HFM1: variants seen among roughly 807,000 people sequenced by gnomAD.
The protein encoded by HFM1 is helicase for meiosis 1, also known as probable ATP-dependent DNA helicase HFM1.
Under a neutral mutation model 192.1 loss-of-function variants are expected in HFM1, and 169 were observed. The observed-to-expected ratio is 0.88, with a 90% CI of 0.78 to 1.00. The LOEUF is 1.00. Among genes scored for constraint, HFM1 ranks in the 50% least tolerant of loss-of-function variants. The pLI is 0.00. For synonymous variants in HFM1, 525 were observed against 537.8 expected (o/e 0.98, Z 0.33); for missense variants, 1,661 against 1,668.0 (o/e 1.00, Z 0.07).
chr1:91,276,759 T>G lies in HFM1; in HGVS notation c.3473-16A>C. ...CCAATTTTACCTATGAAAAGAAACT[T>G]CAGATTCTTTAGGTTAAACTTCAGA... On this transcript the variant is annotated splice_polypyrimidine_tract_variant and intron_variant, in intron 31 of 38. Transcript: ENST00000370425. The G allele has an allele frequency of 5.0e-6, 6 of 1,195,498 alleles. No homozygotes were observed. The highest frequency in any genetic ancestry group is 5.9e-6 in the Non-Finnish European group (5 of 850,788). The allele number at this position is 1,195,498 out of a possible 1,614,324, so 74.1% of individuals were successfully genotyped here. A position where few individuals can be genotyped will look rare whatever the true frequency, so the allele number is the denominator to read the frequency against.
intron 23 of HFM1, among the ~76,000 whole-genome samples, chr1:91,320,053 T>C (rs1651855286): frequency 1.3e-5 from 2 of 152,158 alleles, no homozygotes. Context: ...GTTTTGCCCA[T>C]AAACTTACCT....
At chr1:91,339,839 A>C (rs1241175744) in intron 20 of HFM1, among the ~76,000 whole-genome samples, 9 of 152,166 alleles carry the variant, frequency 5.9e-5, no homozygotes, top group Non-Finnish European at 1.3e-4. Context: ...CCATCCCCCA[A>C]GACACATAGT....
At chr1:91,298,486 CA>C (rs1471756447) in intron 30 of HFM1, among the ~76,000 whole-genome samples, 1 of 135,166 alleles carries the variant, frequency 7.4e-6, no homozygotes, top group Non-Finnish European at 1.6e-5. Context: ...ACAAAGTTGT[CA>C]AATTCACCAA....
At position 91,378,487 on chromosome 1, in the gene HFM1, AG is replaced by A. The variant is rs1181541907; in HGVS notation, c.1159-8del. On this transcript the variant is annotated splice_polypyrimidine_tract_variant and splice_region_variant and intron_variant, in intron 9 of 38. Coordinates refer to ENST00000370425, the MANE Select transcript of HFM1 (RefSeq NM_001017975.6). ...TCATGCTATCCCATTTTTCCTAGAGAGAAAAAAAAGCATACAAGTAGTTTAA... is the reference window on the plus strand; with the variant it reads ...TCATGCTATCCCATTTTTCCTAGAGAAAAAAAAAGCATACAAGTAGTTTAA... The A allele has an allele frequency of 2.6e-6, 4 of 1,553,700 alleles. No individual in the cohort carries two copies. Among genetic ancestry groups the A allele is most frequent in the Non-Finnish European group, 3.5e-6 (4 of 1,129,192 alleles).
intron 4 of HFM1, among the ~76,000 whole-genome samples, chr1:91,389,452 C>A (rs282019): frequency 1 from 152,076 of 152,256 alleles, 75,948 homozygotes; most frequent in Non-Finnish European, 1. Context: ...GGGCCTTTGG[C>A]AGGTAATTGG....
intron 16 of HFM1, 108 bp from the exon 17 acceptor site, chr1:91,351,751 A>C (rs1047186651): frequency 3.1e-5 from 15 of 482,506 alleles, no homozygotes; most frequent in African/African-American, 2.4e-4. Flanking sequence ...CCTTGTCTGA[A>C]ATAATACTTC....
At chr1:91,338,886 G>T in intron 20 of HFM1, 1 of 455,594 alleles carries the variant, frequency 2.2e-6, no homozygotes, top group South Asian at 1.5e-5. Flanking sequence ...TTCTGCCACT[G>T]CCCCATTTAA....
intron 2 of HFM1, among the ~76,000 whole-genome samples, chr1:91,398,689 C>CTT (rs796960469): frequency 2.1e-5 from 3 of 145,286 alleles, no homozygotes; most frequent in Non-Finnish European, 3.0e-5. Flanking sequence ...CTCTCCTCAT[C>CTT]TTTTTTTTTT....
intron 13 of HFM1, among the ~76,000 whole-genome samples, chr1:91,374,413 T>A (rs745677697): frequency 7.2e-5 from 11 of 151,836 alleles, no homozygotes; most frequent in Non-Finnish European, 1.5e-4. Context: ...GATAAGAGAG[T>A]GTGTGTGTAG....
chr1:91,321,355 A>G (rs960721747), intron 23 of HFM1, among the ~76,000 whole-genome samples: 5 of 152,150 alleles, frequency 3.3e-5, no homozygotes, highest in Non-Finnish European at 7.4e-5. Flanking sequence ...GAGGCAGGAG[A>G]ATCGCTTGAG....
intron 20 of HFM1, chr1:91,328,711 G>T: frequency 1.2e-6 from 2 of 1,605,530 alleles, no homozygotes; most frequent in South Asian, 2.2e-5. Context: ...CAGAGAAGCA[G>T]CTACAGCAGG....
At chr1:91,278,954 T>C (rs1469658715) in intron 30 of HFM1, among the ~76,000 whole-genome samples, 1 of 152,026 alleles carries the variant, frequency 6.6e-6, no homozygotes, top group African/African-American at 2.4e-5. Context: ...TAAAAAATAA[T>C]GAAACATCCC....
chr1:91,354,339 T>C (rs1657421671), intron 13 of HFM1, among the ~76,000 whole-genome samples: 2 of 151,894 alleles, frequency 1.3e-5, no homozygotes, highest in Admixed American at 6.6e-5. Flanking sequence ...CTATAGGACT[T>C]ATGGGACACC....
At position 91,401,089 on chromosome 1, in the gene HFM1, A is replaced by G; in HGVS notation, c.-7T>C. The G allele has an allele frequency of 6.6e-7, 1 of 1,521,196 alleles. No homozygotes were observed. The highest frequency in any genetic ancestry group is 8.9e-7 in the Non-Finnish European group (1 of 1,128,176). 94.2% of individuals were successfully genotyped at this position (1,521,196 alleles called of 1,614,324 possible). ...AATCATTTGATTTCAGCATTGTTGA[A>G]AACTGGACTTTGTCATAAATCTACA... On this transcript the variant is annotated 5_prime_UTR_variant, in exon 2 of 39. Coordinates refer to ENST00000370425, the MANE Select transcript of HFM1 (RefSeq NM_001017975.6).
rs576342909 is a variant in HFM1 at position 91,347,482 on chromosome 1, T to C, written c.2207-6A>G. The C allele has an allele frequency of 3.2e-6, 5 of 1,582,828 alleles. No individual in the cohort carries two copies. The highest frequency in any genetic ancestry group is 4.6e-5 in the East Asian group (2 of 43,802). On this transcript the variant is annotated splice_region_variant and splice_polypyrimidine_tract_variant and intron_variant, in intron 18 of 38. Transcript: ENST00000370425. The stretch of plus-strand genomic sequence containing the variant: ...GTTCAATCCAGATGCAAAACCTGCA[T>C]GTCATGAAAAAGTAAAATAGAATTT...
chr1:91,378,769 C>T (rs1286891138), intron 9 of HFM1, among the ~76,000 whole-genome samples: 1 of 151,976 alleles, frequency 6.6e-6, no homozygotes, highest in African/African-American at 2.4e-5. Flanking sequence ...GGACCTCCCT[C>T]TATAAAACAT....
intron 17 of HFM1, among the ~76,000 whole-genome samples, chr1:91,351,099 A>G (rs1452363330): frequency 6.6e-6 from 1 of 152,070 alleles, no homozygotes; most frequent in East Asian, 1.9e-4. Context: ...TGCTTTAACA[A>G]AAGTTGAAGC....
At chr1:91,338,612 C>T (rs1014552314) in intron 20 of HFM1, among the ~76,000 whole-genome samples, 1 of 152,188 alleles carries the variant, frequency 6.6e-6, no homozygotes, top group Non-Finnish European at 1.5e-5. Context: ...CTGCAGCCTC[C>T]CCCAACCACT....
At chr1:91,403,586 T>G (rs1211619348) in intron 1 of HFM1, among the ~76,000 whole-genome samples, 1 of 152,162 alleles carries the variant, frequency 6.6e-6, no homozygotes, top group Non-Finnish European at 1.5e-5. Flanking sequence ...AGATTCAGAT[T>G]TTTTAAGTTC....
Sources: allele counts gnomAD v4.1 joint callset (sites outside exome capture counted in the v4.1 genomes callset), GRCh38; gene constraint gnomAD v4.1.1; transcripts MANE v1.5; gene names NCBI Gene and HGNC (gene_info 2026-07-23, HGNC 2026-07-21).